Variants in P2RX5 observed in about 807,000 individuals in gnomAD.
The protein encoded by P2RX5 is purinergic receptor P2X 5.
A neutral mutation model predicts 54.1 loss-of-function variants in P2RX5; 46 were observed. The ratio of observed to expected loss-of-function variants is 0.85; its 90% CI spans 0.67 to 1.09. The LOEUF (loss-of-function observed/expected upper bound fraction) is 1.09. P2RX5 is among the 50% of genes least tolerant of loss of function. The probability of loss-of-function intolerance (pLI) is 0.00; values close to 1 mark genes in which losing one functional copy is unlikely to be tolerated. For missense variants in P2RX5, 566 were observed against 549.8 expected (o/e 1.03, Z -0.29); for synonymous variants, 226 against 226.4 (o/e 1.00, Z 0.02).
At chr17:3,695,820 A>ACCCC in intron 1 of P2RX5, 49 bp downstream of exon 1, 2 of 1,479,308 alleles carry the variant, frequency 1.4e-6, no homozygotes, top group Non-Finnish European at 1.9e-6. Flanking sequence ...GGCGGCTGGC[A>ACCCC]CCCGCCCTGC....
chr17:3,709,751 A>C, the P2RX5 span, among the ~76,000 whole-genome samples: 1 of 152,132 alleles, frequency 6.6e-6, no homozygotes, highest in Non-Finnish European at 1.5e-5. Flanking sequence ...TCTACTAAAA[A>C]TGCAAAAATT....
At chr17:3,682,338 C>T (rs1229933680) in intron 9 of P2RX5, 1 of 367,482 alleles carries the variant, frequency 2.7e-6, no homozygotes, top group Non-Finnish European at 5.3e-6. Flanking sequence ...CCTGGGGACT[C>T]TCCCTCTGGT....
intron 10 of P2RX5, 55 bp downstream of exon 10, chr17:3,681,841 A>C: frequency 1.7e-6 from 2 of 1,194,584 alleles, no homozygotes; most frequent in East Asian, 2.4e-5. Flanking sequence ...GCTCGAAGCC[A>C]CGGGGGTGCT....
chr17:3,685,046 A>G (rs1229761896), intron 9 of P2RX5, among the ~76,000 whole-genome samples: 2 of 151,932 alleles, frequency 1.3e-5, no homozygotes, highest in Non-Finnish European at 2.9e-5. Context: ...GGGTTTCTCC[A>G]TGTTGGTCAG....
intron 1 of P2RX5, 31 bp downstream of exon 1, chr17:3,695,838 C>G (rs899853368): frequency 6.2e-7 from 1 of 1,611,532 alleles, no homozygotes; most frequent in Non-Finnish European, 8.5e-7. Flanking sequence ...TGCCCCTCCC[C>G]CGCCTTCCCA....
chr17:3,700,961 A>C (rs1305668511), upstream of P2RX5, among the ~76,000 whole-genome samples: 1 of 152,110 alleles, frequency 6.6e-6, no homozygotes, highest in Non-Finnish European at 1.5e-5. Context: ...TGGTGTTCAG[A>C]GCAGTCACAA....
chr17:3,710,210 T>C, the P2RX5 span, among the ~76,000 whole-genome samples: 1 of 151,960 alleles, frequency 6.6e-6, no homozygotes, highest in Non-Finnish European at 1.5e-5. Context: ...GCGGATCACT[T>C]GAAGTCGGGA....
chr17:3,690,545 A>G (rs762442086), intron 4 of P2RX5, 22 bp from the exon 5 acceptor site: 9 of 1,612,482 alleles, frequency 5.6e-6, no homozygotes, highest in Non-Finnish European at 6.8e-6. Flanking sequence ...GGACAGGATC[A>G]ATGCCAGGAG....
At chr17:3,699,925 A>AG (rs779794977), upstream of P2RX5, among the ~76,000 whole-genome samples, 28 of 48,852 alleles carry the variant, frequency 5.7e-4, 1 homozygote, top group African/African-American at 9.7e-4. Flanking sequence ...AAGGAAAGAA[A>AG]GAAAGAAAGA....
At chr17:3,697,202 A>G (rs1597279518), upstream of P2RX5, among the ~76,000 whole-genome samples, 1 of 152,120 alleles carries the variant, frequency 6.6e-6, no homozygotes, top group East Asian at 1.9e-4. Flanking sequence ...AGGATCCTAA[A>G]AATATGCCTG....
At chr17:3,683,499 G>A (rs1170324598) in intron 9 of P2RX5, among the ~76,000 whole-genome samples, 2 of 152,216 alleles carry the variant, frequency 1.3e-5, no homozygotes, top group Non-Finnish European at 2.9e-5. Flanking sequence ...GGGAGGCCGA[G>A]GTGGGCGGAT....
At chr17:3,676,950 T>C (rs1027775537) in intron 11 of P2RX5, 1 of 353,852 alleles carries the variant, frequency 2.8e-6, no homozygotes, top group African/African-American at 2.2e-5. Context: ...TAATCCCAGC[T>C]ACTTAGGAGG....
chr17:3,678,854 A>G lies in P2RX5; in HGVS notation c.1259+736T>C, dbSNP rs146437477. Among the ~76,000 whole-genome samples the G allele has an allele frequency of 3.5e-4, 54 of 152,318 alleles. No individual in the cohort carries two copies. The East Asian group carries it at 9.6e-3, about 27-fold the overall frequency. On this transcript the variant is annotated intron_variant, in intron 11 of 11. Coordinates refer to ENST00000225328, the MANE Select transcript of P2RX5 (RefSeq NM_002561.4). ...CACAGAAAGGGCCAGGCACCTGCTC[A>G]CCGCACAGGTACTCTGCAAGGCAGA...
At chr17:3,712,401 C>A in the P2RX5 span, among the ~76,000 whole-genome samples, 1 of 152,142 alleles carries the variant, frequency 6.6e-6, no homozygotes, top group East Asian at 1.9e-4. Flanking sequence ...CAACCAAGCC[C>A]TAGAAACTAC....
At chr17:3,675,322 G>A (rs1445161539) in intron 11 of P2RX5, 1 of 983,596 alleles carries the variant, frequency 1.0e-6, no homozygotes, top group East Asian at 1.1e-4. Flanking sequence ...TTACAGGCGT[G>A]AGCCACCGTG....
chr17:3,720,309 T>A, the P2RX5 span: 1 of 1,519,178 alleles, frequency 6.6e-7, no homozygotes, highest in Admixed American at 1.7e-5. Context: ...GGAATTACCT[T>A]AGTTCTGTGG....
At chr17:3,710,943 C>G in the P2RX5 span, among the ~76,000 whole-genome samples, 1 of 151,772 alleles carries the variant, frequency 6.6e-6, no homozygotes, top group African/African-American at 2.4e-5. Context: ...CAAAACAAAA[C>G]AAAAAAAACT....
rs1477510767 is a variant in P2RX5 at position 3,691,729 on chromosome 17, G to A, written c.203C>T (p.Thr68Ile). The A allele has an allele frequency of 3.1e-6, 5 of 1,614,242 alleles. No homozygotes were observed. Among genetic ancestry groups the A allele is most frequent in the Non-Finnish European group, 3.4e-6 (4 of 1,180,046 alleles). ...VDTSLQSAVI[T>I]KVKGVAFTNT... ...GGTGAAGGCCACGCCCTTGACTTTG[G>A]TGATGACAGCACTCTGCAGGGAGGT... Residue 68 changes from threonine to isoleucine, a missense_variant, in exon 2 of 12, where the codon ACC becomes ATC. Physicochemically the swap from Thr to Ile is moderately conservative, Grantham distance 89. Coordinates refer to ENST00000225328, the MANE Select transcript of P2RX5 (RefSeq NM_002561.4).
chr17:3,678,962 C>T (rs767370628), intron 11 of P2RX5, among the ~76,000 whole-genome samples: 1 of 152,192 alleles, frequency 6.6e-6, no homozygotes, highest in African/African-American at 2.4e-5. Context: ...GAGAAGCCAG[C>T]GCCCCCAGGA....
Sources: allele counts gnomAD v4.1 joint callset (sites outside exome capture counted in the v4.1 genomes callset), GRCh38; gene constraint gnomAD v4.1.1; transcripts MANE v1.5; gene names NCBI Gene and HGNC (gene_info 2026-07-23, HGNC 2026-07-21).